Variants in CNDP1 observed in about 807,000 individuals in gnomAD.
CNDP1 encodes the protein beta-Ala-His dipeptidase.
A neutral mutation model predicts 58.1 loss-of-function variants in CNDP1; 44 were observed. That is an observed-to-expected ratio of 0.76 (90% CI 0.60 to 0.97). The LOEUF (loss-of-function observed/expected upper bound fraction) is 0.97, where lower values mean the gene tolerates loss of function less well. CNDP1 is among the 50% of genes least tolerant of loss of function. CNDP1 has a pLI of 0.00. For synonymous variants in CNDP1, 254 were observed against 252.6 expected (o/e 1.01, Z -0.05); for missense variants, 616 against 655.1 (o/e 0.94, Z 0.65).
intron 1 of CNDP1, among the ~76,000 whole-genome samples, chr18:74,555,690 G>A (rs563560915): frequency 1.8e-4 from 27 of 152,272 alleles, no homozygotes; most frequent in Admixed American, 1.6e-3. Flanking sequence ...GGAGGAGACA[G>A]GGTTGTGGTT....
Position 74,559,488 on chromosome 18 carries a change from C to T in CNDP1, c.303+16C>T, listed in dbSNP as rs201716139. The stretch of plus-strand genomic sequence containing the variant: ...TCCTCAGCAGGTGCTGTACGATTCC[C>T]TCCCACTGAGGGAGGTGCTACTTCT... On this transcript the variant is annotated intron_variant, in intron 3 of 11. Transcript: ENST00000358821. 75 of 1,593,700 alleles carry T rather than the reference C, an allele frequency of 4.7e-5. No homozygotes were observed. The African/African-American group carries it at 8.9e-4, about 19-fold the overall frequency.
chr18:74,536,723 C>T (rs1181779243), intron 1 of CNDP1, among the ~76,000 whole-genome samples: 1 of 152,210 alleles, frequency 6.6e-6, no homozygotes, highest in Non-Finnish European at 1.5e-5. Context: ...TGCCACACTG[C>T]TTTCCACAAT....
intron 6 of CNDP1, among the ~76,000 whole-genome samples, chr18:74,570,131 G>T (rs750328819): frequency 6.6e-6 from 1 of 150,420 alleles, no homozygotes; most frequent in African/African-American, 2.4e-5. Context: ...GCTGGGAGGC[G>T]GAGATTGCAG....
intron 5 of CNDP1, among the ~76,000 whole-genome samples, chr18:74,566,009 C>A (rs1195913054): frequency 3.3e-5 from 5 of 152,250 alleles, no homozygotes; most frequent in African/African-American, 4.8e-5. Flanking sequence ...CAATTCTTGA[C>A]TTCTGTGCAC....
chr18:74,574,155 C>A (rs1981569943), intron 7 of CNDP1, among the ~76,000 whole-genome samples: 1 of 152,232 alleles, frequency 6.6e-6, no homozygotes, highest in South Asian at 2.1e-4. Context: ...ATGTGGGAAT[C>A]CACGGGCAGC....
intron 1 of CNDP1, among the ~76,000 whole-genome samples, chr18:74,546,754 G>A (rs116822800): frequency 5.5e-4 from 84 of 152,340 alleles, no homozygotes; most frequent in African/African-American, 2.0e-3. Flanking sequence ...ACTTCTTGCA[G>A]CTCTGCTCAG....
chr18:74,546,840 T>C (rs562569707), intron 1 of CNDP1, among the ~76,000 whole-genome samples: 30 of 152,208 alleles, frequency 2.0e-4, no homozygotes, highest in Non-Finnish European at 4.0e-4. Flanking sequence ...TTTCACGTGG[T>C]GTGTGGCCTC....
At chr18:74,581,772 C>T (rs1469377407) in intron 10 of CNDP1, among the ~76,000 whole-genome samples, 1 of 152,204 alleles carries the variant, frequency 6.6e-6, no homozygotes, top group African/African-American at 2.4e-5. Context: ...GAGGGGGACC[C>T]TGCCAACAAT....
intron 1 of CNDP1, among the ~76,000 whole-genome samples, chr18:74,549,690 G>GT (rs1187532456): frequency 1.3e-5 from 2 of 152,064 alleles, no homozygotes; most frequent in Non-Finnish European, 2.9e-5. Context: ...AGTGTTAAAA[G>GT]CCAAAAAAAA....
intron 7 of CNDP1, among the ~76,000 whole-genome samples, chr18:74,572,713 G>A (rs573457401): frequency 5.4e-4 from 80 of 149,498 alleles, no homozygotes; most frequent in African/African-American, 1.8e-3. Flanking sequence ...GCTTGAGCCC[G>A]GAAGGCAGAG....
At chr18:74,578,350 A>G (rs775525271) in intron 9 of CNDP1, 23 bp downstream of exon 9, 6 of 1,586,638 alleles carry the variant, frequency 3.8e-6, no homozygotes, top group Non-Finnish European at 5.2e-6. Flanking sequence ...TATTGTGACA[A>G]TAACATGTTT....
At chr18:74,559,045 G>T (rs750834312) in intron 2 of CNDP1, among the ~76,000 whole-genome samples, 10 of 152,054 alleles carry the variant, frequency 6.6e-5, no homozygotes, top group Non-Finnish European at 7.4e-5. Flanking sequence ...CCTGGTGAAC[G>T]CAGTGAGGAC....
chr18:74,562,789 G>A (rs1359861427), intron 5 of CNDP1, among the ~76,000 whole-genome samples: 2 of 152,174 alleles, frequency 1.3e-5, no homozygotes, highest in Admixed American at 6.5e-5. Flanking sequence ...TAACTCTCTC[G>A]TGTTTCAACA....
Position 74,567,426 on chromosome 18 carries a change from T to C in CNDP1, c.749T>C (p.Met250Thr), listed in dbSNP as rs1462360563. 13 of 1,613,516 alleles carry C rather than the reference T, an allele frequency of 8.1e-6. No homozygotes were observed. In the East Asian group the frequency reaches 2.9e-4, roughly 36 times the overall value. ...GGAACCCGGGGGAACAGCTACTTCA[T>C]GGTGGAGGTATCCACAGAGAGCAGT... ...TYGTRGNSYF[M>T]VEVKCRDQDF... The change falls in exon 6 of 12, where the codon ATG (methionine) becomes ACG (threonine). Residue 250 changes from methionine to threonine, a missense_variant. Transcript: ENST00000358821.
intron 4 of CNDP1, chr18:74,561,260 C>T (rs1280234640): frequency 4.3e-5 from 17 of 399,518 alleles, no homozygotes; most frequent in African/African-American, 6.0e-5. Flanking sequence ...ACTAAAAATA[C>T]AAAAAAATAG....
At position 74,582,890 on chromosome 18, in the gene CNDP1, T is replaced by C. The variant is rs1981822355; in HGVS notation, c.1310-671T>C. Among the ~76,000 whole-genome samples the C allele has an allele frequency of 2.0e-5, 3 of 152,244 alleles. No homozygotes were observed. The South Asian group carries it at 6.2e-4, about 32-fold the overall frequency. Reference sequence around the variant, plus strand: ...TTGCAATAGTTACATAAGACGTTCATATCAGGGAAAGCAGAGTAAGAGATA... The same window carrying C: ...TTGCAATAGTTACATAAGACGTTCACATCAGGGAAAGCAGAGTAAGAGATA... On this transcript the variant is annotated intron_variant, in intron 10 of 11. Transcript: ENST00000358821.
chr18:74,535,655 T>C (rs2144634965), intron 1 of CNDP1, among the ~76,000 whole-genome samples: 1 of 146,992 alleles, frequency 6.8e-6, no homozygotes, highest in African/African-American at 2.5e-5. Flanking sequence ...TTTCACTGAA[T>C]ACTGTCTTAC....
chr18:74,549,791 TG>T (rs1034733662), intron 1 of CNDP1, among the ~76,000 whole-genome samples: 1 of 152,214 alleles, frequency 6.6e-6, no homozygotes, highest in Admixed American at 6.5e-5. Flanking sequence ...AATGGTTCCA[TG>T]GGCCAGACCT....
Position 74,577,808 on chromosome 18 carries a change from TA to T in CNDP1, c.1003-353del, listed in dbSNP as rs544463082. ...ATTGTAATTTGGGGTTAGAAATTTA[TA>T]ATTGAACCCACGTTTCTGAAAGGGC... On this transcript the variant is annotated intron_variant, in intron 8 of 11. Coordinates refer to ENST00000358821, the MANE Select transcript of CNDP1 (RefSeq NM_032649.6). 1.0e-4 allele frequency: 18 copies of T among 180,372 alleles called. No individual in the cohort carries two copies. The East Asian group carries it at 2.4e-3, about 24-fold the overall frequency. The allele number at this position is 180,372 out of a possible 1,614,324, so 11.2% of individuals were successfully genotyped here. A position where few individuals can be genotyped will look rare whatever the true frequency, so the allele number is the denominator to read the frequency against.
Sources: allele counts gnomAD v4.1 joint callset (sites outside exome capture counted in the v4.1 genomes callset), GRCh38; gene constraint gnomAD v4.1.1; transcripts MANE v1.5; gene names NCBI Gene and HGNC (gene_info 2026-07-23, HGNC 2026-07-21).